Variants in QTMAN observed in about 807,000 individuals in gnomAD.
The protein encoded by QTMAN is queuosine-tRNA mannosyltransferase, also known as tRNA-queuosine alpha-mannosyltransferase.
the QTMAN span, among the ~76,000 whole-genome samples, chr2:144,246,549 C>T: frequency 2.2e-5 from 3 of 133,670 alleles, no homozygotes; most frequent in African/African-American, 5.8e-5. Context: ...GTCCGCAGTC[C>T]GGCCTGGGCG....
chr2:144,159,916 G>T, the QTMAN span, among the ~76,000 whole-genome samples: 1 of 152,076 alleles, frequency 6.6e-6, no homozygotes, highest in East Asian at 1.9e-4. Context: ...ACAGTGCGGG[G>T]ATGCTGAAGT....
the QTMAN span, among the ~76,000 whole-genome samples, chr2:144,168,351 G>C: frequency 2.0e-5 from 3 of 152,130 alleles, no homozygotes; most frequent in Admixed American, 6.6e-5. Flanking sequence ...TAGAGAATTG[G>C]GAGCTATAGC....
At chr2:143,996,358 C>T in the QTMAN span, among the ~76,000 whole-genome samples, 17 of 152,204 alleles carry the variant, frequency 1.1e-4, no homozygotes, top group Admixed American at 7.8e-4. Context: ...GAACCAGTCA[C>T]GCAGCCACCC....
chr2:144,057,590 T>C, the QTMAN span, among the ~76,000 whole-genome samples: 1 of 152,224 alleles, frequency 6.6e-6, no homozygotes, highest in Non-Finnish European at 1.5e-5. Flanking sequence ...TTTCCTGCTC[T>C]GATTTTCAAT....
At chr2:144,286,837 C>G in the QTMAN span, among the ~76,000 whole-genome samples, 3 of 152,172 alleles carry the variant, frequency 2.0e-5, no homozygotes, top group Non-Finnish European at 2.9e-5. Context: ...CAGATTTGTC[C>G]ACTGGTTTAG....
the QTMAN span, among the ~76,000 whole-genome samples, chr2:143,976,640 C>T: frequency 6.6e-6 from 1 of 152,206 alleles, no homozygotes; most frequent in East Asian, 1.9e-4. Flanking sequence ...CTACTTCCCA[C>T]GTGGTGTGTC....
chr2:144,331,163 AT>A, the QTMAN span, among the ~76,000 whole-genome samples: 1 of 152,212 alleles, frequency 6.6e-6, no homozygotes. Context: ...CCTAAGGAAA[AT>A]GTATACCAAA....
the QTMAN span, among the ~76,000 whole-genome samples, chr2:144,296,016 G>T: frequency 6.6e-6 from 1 of 152,136 alleles, no homozygotes; most frequent in African/African-American, 2.4e-5. Context: ...ATTGTGACAA[G>T]CCAAATGATG....
At chr2:144,110,502 G>C in the QTMAN span, among the ~76,000 whole-genome samples, 1 of 151,974 alleles carries the variant, frequency 6.6e-6, no homozygotes, top group Non-Finnish European at 1.5e-5. Flanking sequence ...TAACAAACCT[G>C]CACGTTGTGC....
the QTMAN span, among the ~76,000 whole-genome samples, chr2:144,186,108 A>T: frequency 1.3e-5 from 2 of 152,204 alleles, no homozygotes; most frequent in African/African-American, 4.8e-5. Context: ...GACAATGCCC[A>T]GAAGAGTATG....
chr2:143,991,827 T>C, the QTMAN span, among the ~76,000 whole-genome samples: 1 of 144,286 alleles, frequency 6.9e-6, no homozygotes. Flanking sequence ...GTCCGGGAGG[T>C]GAGGGGCACC....
the QTMAN span, among the ~76,000 whole-genome samples, chr2:144,127,644 A>G: frequency 3.3e-5 from 5 of 151,992 alleles, no homozygotes; most frequent in Non-Finnish European, 5.9e-5. Context: ...GAAACAGAGG[A>G]GTAGGTGTGA....
the QTMAN span, among the ~76,000 whole-genome samples, chr2:144,021,423 A>G: frequency 2.6e-5 from 4 of 152,186 alleles, no homozygotes; most frequent in Non-Finnish European, 5.9e-5. Flanking sequence ...TTGAGAAGAT[A>G]CTGGTGGATG....
At chr2:144,242,715 A>T in the QTMAN span, among the ~76,000 whole-genome samples, 1 of 152,200 alleles carries the variant, frequency 6.6e-6, no homozygotes, top group East Asian at 1.9e-4. Flanking sequence ...TAATCCCAGC[A>T]CTTTGGGAGG....
chr2:144,223,148 A>T, the QTMAN span, among the ~76,000 whole-genome samples: 2 of 152,110 alleles, frequency 1.3e-5, no homozygotes, highest in African/African-American at 4.8e-5. Flanking sequence ...TTCCAACACA[A>T]CCATTTCATC....
At chr2:144,055,334 GAC>G in the QTMAN span, among the ~76,000 whole-genome samples, 12,738 of 132,406 alleles carry the variant, frequency 0.096, 948 homozygotes, top group African/African-American at 0.22. Context: ...CAGACACACA[GAC>G]ACACACACAC....
chr2:144,187,389 G>A, the QTMAN span, among the ~76,000 whole-genome samples: 2 of 152,048 alleles, frequency 1.3e-5, no homozygotes, highest in African/African-American at 4.8e-5. Context: ...ATTTCCACAG[G>A]AACTAATCCA....
At chr2:144,252,280 C>G in the QTMAN span, among the ~76,000 whole-genome samples, 2 of 151,914 alleles carry the variant, frequency 1.3e-5, no homozygotes, top group Non-Finnish European at 2.9e-5. Flanking sequence ...GAAGCAGAGG[C>G]AAAAGAATCA....
At chr2:143,951,194 A>G in the QTMAN span, among the ~76,000 whole-genome samples, 2 of 151,724 alleles carry the variant, frequency 1.3e-5, no homozygotes, top group East Asian at 3.9e-4. Context: ...TACTGGAGTT[A>G]TGTAAAATGA....
Sources: allele counts gnomAD v4.1 joint callset (sites outside exome capture counted in the v4.1 genomes callset), GRCh38; gene constraint gnomAD v4.1.1; transcripts MANE v1.5; gene names NCBI Gene and HGNC (gene_info 2026-07-23, HGNC 2026-07-21).